GOLIM4: variants seen among roughly 807,000 people sequenced by gnomAD.
GOLIM4 encodes 130 kDa golgi-localized phosphoprotein.
Under a neutral mutation model 107.4 loss-of-function variants are expected in GOLIM4, and 71 were observed. The observed-to-expected ratio is 0.66, with a 90% CI of 0.55 to 0.81. The LOEUF (loss-of-function observed/expected upper bound fraction) is 0.81, where lower values mean the gene tolerates loss of function less well. Ranked by LOEUF, GOLIM4 falls within the 30% of genes least tolerant of loss-of-function variation. The pLI, the probability that GOLIM4 is intolerant of heterozygous loss-of-function variation, is 0.00. For missense variants in GOLIM4, 830 were observed against 826.1 expected, an observed-to-expected ratio of 1.00 and a Z score of -0.06; for synonymous variants, 327 against 294.8, an observed-to-expected ratio of 1.11 and a Z score of -1.12.
At chr3:168,045,530 G>T (rs1279996986) in intron 3 of GOLIM4, among the ~76,000 whole-genome samples, 1 of 152,094 alleles carries the variant, frequency 6.6e-6, no homozygotes, top group African/African-American at 2.4e-5. Context: ...CCAGGTTCCA[G>T]GGGTATATCT....
chr3:168,016,510 A>T (rs1486550907), intron 14 of GOLIM4, among the ~76,000 whole-genome samples: 1 of 133,136 alleles, frequency 7.5e-6, no homozygotes, highest in African/African-American at 4.1e-5. Context: ...TAGAACTGGA[A>T]ATACCATTTG....
Position 168,095,357 on chromosome 3 carries a change from A to G in GOLIM4, c.-72T>C. On this transcript the variant is annotated 5_prime_UTR_variant, in exon 1 of 16. Coordinates refer to ENST00000470487, the MANE Select transcript of GOLIM4 (RefSeq NM_014498.5). ...CCTTGGTCCGAGCGAGCGTCTCAGC[A>G]GCGGCCGCCGCAGTAGGTGGCCAGA... 7.3e-7 allele frequency: 1 copy of G among 1,365,880 alleles called. No individual in the cohort carries two copies. Among genetic ancestry groups the G allele is most frequent in the Non-Finnish European group, 1.0e-6 (1 of 986,316 alleles). The allele number at this position is 1,365,880 out of a possible 1,614,324, so 84.6% of individuals were successfully genotyped here. A position where few individuals can be genotyped will look rare whatever the true frequency, so the allele number is the denominator to read the frequency against.
At chr3:168,012,108 T>G (rs1717076274) in intron 14 of GOLIM4, among the ~76,000 whole-genome samples, 1 of 120,720 alleles carries the variant, frequency 8.3e-6, no homozygotes, top group South Asian at 2.2e-4. Flanking sequence ...GGGAGGACAT[T>G]CAAACCAAAG....
intron 11 of GOLIM4, 79 bp downstream of exon 11, chr3:168,029,144 T>C (rs1297637713): frequency 2.6e-5 from 24 of 916,032 alleles, no homozygotes; most frequent in South Asian, 2.3e-4. Context: ...ATTGATGTTA[T>C]ATAATATTGG....
At chr3:168,033,508 G>A (rs1718456377) in intron 8 of GOLIM4, among the ~76,000 whole-genome samples, 2 of 149,190 alleles carry the variant, frequency 1.3e-5, no homozygotes, top group African/African-American at 2.5e-5. Context: ...GCGGGAGGCT[G>A]AGGCAGGAGA....
chr3:168,021,677 C>CA (rs975061827), intron 14 of GOLIM4, among the ~76,000 whole-genome samples: 8 of 149,824 alleles, frequency 5.3e-5, no homozygotes, highest in Non-Finnish European at 1.0e-4. Context: ...AAACAAAAAA[C>CA]AAAAAACAAA....
intron 1 of GOLIM4, among the ~76,000 whole-genome samples, chr3:168,072,154 G>A (rs1208828643): frequency 6.6e-6 from 1 of 152,084 alleles, no homozygotes; most frequent in African/African-American, 2.4e-5. Flanking sequence ...GTGGTCTTGG[G>A]CCAGCCCTAC....
intron 1 of GOLIM4, among the ~76,000 whole-genome samples, chr3:168,088,984 T>G (rs538019921): frequency 6.6e-6 from 1 of 152,228 alleles, no homozygotes; most frequent in Non-Finnish European, 1.5e-5. Context: ...ACCAGTACTC[T>G]CATTAGAGTT....
At chr3:168,081,237 A>C (rs1338070869) in intron 1 of GOLIM4, among the ~76,000 whole-genome samples, 1 of 152,190 alleles carries the variant, frequency 6.6e-6, no homozygotes, top group Admixed American at 6.5e-5. Context: ...AGTGAAGCTG[A>C]ATTCTCCCCA....
At chr3:168,047,024 A>C in intron 2 of GOLIM4, 25 bp from the exon 3 acceptor site, 1 of 1,094,864 alleles carries the variant, frequency 9.1e-7, no homozygotes. Context: ...ATGGAAAAAA[A>C]CAGTGATAAT....
rs372061553 is a variant in GOLIM4 at position 168,044,817 on chromosome 3, A to T, written c.366+11T>A. ...TCTTTTATTCATAAATAACAACTTT[A>T]GATTACTCACTTTCAACATCTGATG... On this transcript the variant is annotated intron_variant, in intron 4 of 15. Transcript: ENST00000470487. The T allele has an allele frequency of 1.2e-5, 17 of 1,459,410 alleles. No individual in the cohort carries two copies. In the African/African-American group the frequency reaches 2.1e-4, roughly 18 times the overall value. 90.4% of individuals were successfully genotyped at this position (1,459,410 alleles called of 1,614,324 possible).
intron 12 of GOLIM4, among the ~76,000 whole-genome samples, chr3:168,027,166 C>A (rs149166516): frequency 6.6e-6 from 1 of 152,208 alleles, no homozygotes; most frequent in East Asian, 1.9e-4. Context: ...AGATGTCTAC[C>A]TACTTATATT....
At chr3:168,021,523 G>A (rs557971030) in intron 14 of GOLIM4, among the ~76,000 whole-genome samples, 2 of 152,078 alleles carry the variant, frequency 1.3e-5, no homozygotes, top group South Asian at 2.1e-4. Context: ...AAAATTAGCC[G>A]GGTATGGTGG....
chr3:168,043,398 T>C lies in GOLIM4; in HGVS notation c.498A>G (p.Gln166=). The part of the protein sequence containing the change: ...KYLQLQQEKE[Q]ELSKLKETVY... ...AAATACCTTTTAGCTTAGAAAGTTC[T>C]TGTTCTTTTTCTTGCTGGAGCTGCA... The change falls in exon 5 of 16, where the codon CAA becomes CAG. Residue 166 remains glutamine, a synonymous_variant. Transcript: ENST00000470487. 2 of 1,608,372 alleles carry C rather than the reference T, an allele frequency of 1.2e-6. No homozygotes were observed. The highest frequency in any genetic ancestry group is 1.7e-6 in the Non-Finnish European group (2 of 1,178,016).
chr3:168,081,255 T>C (rs552955722), intron 1 of GOLIM4, among the ~76,000 whole-genome samples: 9 of 152,278 alleles, frequency 5.9e-5, no homozygotes, highest in African/African-American at 2.2e-4. Flanking sequence ...CCAGTGACTA[T>C]CACCCTTGTC....
chr3:168,033,028 C>G (rs1718425281), intron 8 of GOLIM4, among the ~76,000 whole-genome samples, 176 bp from the exon 9 acceptor site: 1 of 152,056 alleles, frequency 6.6e-6, no homozygotes, highest in African/African-American at 2.4e-5. Flanking sequence ...ACTGTGTAAT[C>G]TCACTTATAA....
At chr3:168,034,661 G>C (rs1718533944) in intron 8 of GOLIM4, among the ~76,000 whole-genome samples, 1 of 152,188 alleles carries the variant, frequency 6.6e-6, no homozygotes, top group African/African-American at 2.4e-5. Flanking sequence ...ACACTGATAT[G>C]GTTTGGCTGT....
intron 1 of GOLIM4, among the ~76,000 whole-genome samples, chr3:168,068,569 T>C (rs955589676): frequency 1.3e-4 from 19 of 151,286 alleles, no homozygotes; most frequent in African/African-American, 3.7e-4. Flanking sequence ...AACTTAAGGA[T>C]AGTTTTTTTT....
chr3:168,055,508 G>A (rs1027068940), intron 1 of GOLIM4, among the ~76,000 whole-genome samples: 1 of 152,098 alleles, frequency 6.6e-6, no homozygotes, highest in Non-Finnish European at 1.5e-5. Flanking sequence ...CATTCAAGAG[G>A]TGACTCAGGG....
Sources: gnomAD v4.1 joint callset for allele counts (sites outside exome capture counted in the v4.1 genomes callset) on GRCh38, gnomAD v4.1.1 for gene constraint, MANE v1.5 for transcripts, NCBI Gene and HGNC (gene_info 2026-07-23, HGNC 2026-07-21) for gene names.